The following SGPP2 variants were observed in gnomAD, a reference collection of about 807,000 sequenced individuals.
SGPP2 encodes sphingosine 1-phosphate phosphohydrolase 2.
In SGPP2, 30 loss-of-function variants were observed where a neutral mutation model predicts 33.9. The ratio of observed to expected loss-of-function variants is 0.89; its 90% CI spans 0.66 to 1.20. The LOEUF is 1.20. Among genes scored for constraint, SGPP2 ranks in the 50% most tolerant of loss-of-function variants. The pLI, the probability that SGPP2 is intolerant of heterozygous loss-of-function variation, is 0.00. For missense variants in SGPP2, 458 were observed against 532.1 expected, an observed-to-expected ratio of 0.86 and a Z score of 1.37; for synonymous variants, 233 against 225.0, an observed-to-expected ratio of 1.04 and a Z score of -0.32.
At chr2:222,441,700 G>C (rs950529741) in intron 1 of SGPP2, among the ~76,000 whole-genome samples, 2 of 152,020 alleles carry the variant, frequency 1.3e-5, no homozygotes, top group Non-Finnish European at 2.9e-5. Flanking sequence ...GGAATTTTAT[G>C]TTTAGAAAAA....
chr2:222,426,555 G>A (rs1418723332), intron 1 of SGPP2, among the ~76,000 whole-genome samples: 1 of 152,120 alleles, frequency 6.6e-6, no homozygotes. Context: ...GACAATCCTG[G>A]TGGGTCTTCA....
chr2:222,496,786 G>A (rs189273133), intron 2 of SGPP2, among the ~76,000 whole-genome samples: 1 of 152,222 alleles, frequency 6.6e-6, no homozygotes, highest in East Asian at 1.9e-4. Context: ...TCTCAGTGCA[G>A]TCATCATCTC....
In SGPP2 at chr2:222,424,784, C is replaced by T; in HGVS notation, c.182C>T (p.Ala61Val). ...LPAANGKGGEAPANGLRRAAA... is the reference protein window; with the variant it reads ...LPAANGKGGEVPANGLRRAAA... ...GCAGCCAACGGCAAGGGCGGCGAGG[C>T]TCCGGCCAACGGGCTGCGCAGAGCC... Residue 61 changes from alanine (A) to valine (V), a missense_variant, in exon 1 of 5, where the codon GCT becomes GTT. Ala to Val is a moderately conservative substitution (Grantham distance 64, BLOSUM62 0). Transcript: ENST00000321276. The T allele has an allele frequency of 1.4e-6, 2 of 1,396,962 alleles. No homozygotes were observed. Among genetic ancestry groups the T allele is most frequent in the Middle Eastern group, 2.6e-4 (1 of 3,910 alleles). 86.5% of individuals were successfully genotyped at this position (1,396,962 alleles called of 1,614,324 possible).
chr2:222,553,369 C>T lies in SGPP2; in HGVS notation c.649-4978C>T, dbSNP rs556124945. On this transcript the variant is annotated intron_variant, in intron 4 of 4. Coordinates refer to ENST00000321276, the MANE Select transcript of SGPP2 (RefSeq NM_152386.4). ...GGCATATTTGGGAAAAGCAAATAGA[C>T]GTATGTGAGTGGGGCAGAAAGTTCA... Among the ~76,000 whole-genome samples, 7 of 152,222 alleles carry T rather than the reference C, an allele frequency of 4.6e-5. No homozygotes were observed. In the East Asian group the frequency reaches 9.6e-4, roughly 21 times the overall value.
At chr2:222,447,726 A>G (rs1428513110) in intron 1 of SGPP2, among the ~76,000 whole-genome samples, 1 of 152,084 alleles carries the variant, frequency 6.6e-6, no homozygotes, top group Non-Finnish European at 1.5e-5. Flanking sequence ...CCTCCTGAGA[A>G]CCTAGTCATT....
chr2:222,467,576 C>T (rs976053061), intron 1 of SGPP2, among the ~76,000 whole-genome samples: 1 of 152,084 alleles, frequency 6.6e-6, no homozygotes, highest in African/African-American at 2.4e-5. Context: ...ATCCATTTCC[C>T]TCTCCCCTAG....
chr2:222,532,999 C>CT (rs1698861101), intron 4 of SGPP2, among the ~76,000 whole-genome samples: 1 of 151,276 alleles, frequency 6.6e-6, no homozygotes, highest in Non-Finnish European at 1.5e-5. Context: ...TTACTGAGGT[C>CT]TTACATTTTT....
intron 2 of SGPP2, 68 bp downstream of exon 2, chr2:222,474,794 A>T: frequency 7.8e-7 from 1 of 1,287,236 alleles, no homozygotes; most frequent in Non-Finnish European, 1.1e-6. Flanking sequence ...ATACTCAAGT[A>T]CTTTGCAAAT....
Position 222,524,991 on chromosome 2 carries a change from G to T in SGPP2, c.606G>T (p.Leu202Phe). The part of the protein sequence containing the change: ...GLVMAVVFST[L>F]VCLSRLYTGM... ...TGATGGCCGTGGTGTTTTCCACCTT[G>T]GTGTGTCTCAGCAGGCTCTACACTG... The change falls in exon 4 of 5, where the codon TTG becomes TTT. Residue 202 changes from leucine to phenylalanine, a missense_variant. Leu to Phe is a conservative substitution (Grantham distance 22). Coordinates refer to ENST00000321276, the MANE Select transcript of SGPP2 (RefSeq NM_152386.4). The T allele has an allele frequency of 6.2e-7, 1 of 1,613,926 alleles. No individual in the cohort carries two copies. Among genetic ancestry groups the T allele is most frequent in the South Asian group, 1.1e-5 (1 of 91,056 alleles).
In SGPP2 at chr2:222,466,898, A is replaced by T. The variant is rs16863717; in HGVS notation, c.220-7670A>T. ...GTCTTACCTGTGCCTTCCCTTTGGT[A>T]CTTTCTAGGGTTGAGGTGCTTGTCT... On this transcript the variant is annotated intron_variant, in intron 1 of 4. Coordinates refer to ENST00000321276, the MANE Select transcript of SGPP2 (RefSeq NM_152386.4). Among the ~76,000 whole-genome samples, 501 of 152,164 alleles carry T rather than the reference A, an allele frequency of 3.3e-3. 3 individuals are homozygous for T. Among genetic ancestry groups the T allele is most frequent in the African/African-American group, 0.012 (486 of 41,518 alleles).
At chr2:222,540,817 GT>G (rs750932260) in intron 4 of SGPP2, among the ~76,000 whole-genome samples, 3,586 of 108,314 alleles carry the variant, frequency 0.033, 40 homozygotes, top group African/African-American at 0.082. Flanking sequence ...CTTATAAACT[GT>G]TTTTTTTTTT....
At position 222,537,173 on chromosome 2, in the gene SGPP2, G is replaced by A. The variant is rs142648199; in HGVS notation, c.648+12140G>A. Among the ~76,000 whole-genome samples, 113 of 152,256 alleles carry A rather than the reference G, an allele frequency of 7.4e-4. 1 individual carries two copies. Among genetic ancestry groups the A allele is most frequent in the African/African-American group, 2.6e-3 (108 of 41,548 alleles). On this transcript the variant is annotated intron_variant, in intron 4 of 4. Coordinates refer to ENST00000321276, the MANE Select transcript of SGPP2 (RefSeq NM_152386.4). ...TTTCCAAAACCATTTGGAAAAATTA[G>A]GAAATATGAGTGAATAGTTATATAA...
chr2:222,506,071 AAATT>A (rs1446988302), intron 2 of SGPP2, among the ~76,000 whole-genome samples: 1 of 152,244 alleles, frequency 6.6e-6, no homozygotes, highest in Non-Finnish European at 1.5e-5. Context: ...ATAATGGCAT[AAATT>A]AATTGTACTG....
At chr2:222,440,045 A>G (rs2106065589) in intron 1 of SGPP2, among the ~76,000 whole-genome samples, 1 of 152,368 alleles carries the variant, frequency 6.6e-6, no homozygotes, top group Non-Finnish European at 1.5e-5. Context: ...AAGTTAAAAA[A>G]TCAATACTGC....
At position 222,558,749 on chromosome 2, in the gene SGPP2, T is replaced by C; in HGVS notation, c.1051T>C (p.Tyr351His). Residue 351 changes from tyrosine (Y) to histidine (H), a missense_variant, in exon 5 of 5, where the codon TAC becomes CAC. Physicochemically the swap from Tyr to His is moderately conservative, Grantham distance 83. Coordinates refer to ENST00000321276, the MANE Select transcript of SGPP2 (RefSeq NM_152386.4). ...LVQNLSLQVL[Y>H]SWFKVVTRNK... The stretch of plus-strand genomic sequence containing the variant: ...ACAAAATCTCTCACTGCAAGTATTA[T>C]ACTCATGGTTCAAGGTGGTCACCAG... 6.2e-7 allele frequency: 1 copy of C among 1,614,222 alleles called. No homozygotes were observed. Among genetic ancestry groups the C allele is most frequent in the South Asian group, 1.1e-5 (1 of 91,088 alleles).
rs1388966526 is a variant in SGPP2 at position 222,448,050 on chromosome 2, A to G, written c.219+23229A>G. Among the ~76,000 whole-genome samples the G allele has an allele frequency of 2.6e-5, 4 of 152,212 alleles. No individual in the cohort carries two copies. In the East Asian group the frequency reaches 7.7e-4, roughly 29 times the overall value. On this transcript the variant is annotated intron_variant, in intron 1 of 4. Coordinates refer to ENST00000321276, the MANE Select transcript of SGPP2 (RefSeq NM_152386.4). Reference sequence around the variant, plus strand: ...AGGCCAGCTAGAATCCCAAGTGACCAGGTAGTATTCGGCAGAACCTTGCTT... The same window carrying G: ...AGGCCAGCTAGAATCCCAAGTGACCGGGTAGTATTCGGCAGAACCTTGCTT...
intron 3 of SGPP2, among the ~76,000 whole-genome samples, chr2:222,522,714 T>G (rs1698705233): frequency 6.6e-6 from 1 of 152,238 alleles, no homozygotes; most frequent in African/African-American, 2.4e-5. Context: ...ACAGGGTCTC[T>G]GTTGCTGGGG....
intron 2 of SGPP2, among the ~76,000 whole-genome samples, chr2:222,494,865 T>C (rs1256318320): frequency 6.6e-6 from 1 of 152,234 alleles, no homozygotes; most frequent in East Asian, 1.9e-4. Context: ...TGGCCTTGCC[T>C]AGCATTAGTC....
At chr2:222,540,818 T>G (rs1297625473) in intron 4 of SGPP2, among the ~76,000 whole-genome samples, 7 of 49,282 alleles carry the variant, frequency 1.4e-4, no homozygotes. Context: ...TTATAAACTG[T>G]TTTTTTTTTT....
Sources: allele counts gnomAD v4.1 joint callset (sites outside exome capture counted in the v4.1 genomes callset), GRCh38; gene constraint gnomAD v4.1.1; transcripts MANE v1.5; gene names NCBI Gene and HGNC (gene_info 2026-07-23, HGNC 2026-07-21).